FREM3: variants seen among roughly 807,000 people sequenced by gnomAD.
FREM3 encodes FRAS1-related extracellular matrix protein 3.
A neutral mutation model predicts 129.1 loss-of-function variants in FREM3; 105 were observed. The observed-to-expected ratio is 0.81, with a 90% CI of 0.69 to 0.96. The LOEUF is 0.96. Among genes scored for constraint, FREM3 ranks in the 40% least tolerant of loss-of-function variants. The probability of loss-of-function intolerance (pLI) is 0.00; values close to 1 mark genes in which losing one functional copy is unlikely to be tolerated. For missense variants in FREM3, 2,593 were observed against 2,666.3 expected (o/e 0.97, Z 0.61); for synonymous variants, 1,014 against 1,044.9 (o/e 0.97, Z 0.57).
At chr4:143,633,871 G>A (rs183180080) in intron 2 of FREM3, among the ~76,000 whole-genome samples, 6 of 152,226 alleles carry the variant, frequency 3.9e-5, no homozygotes, top group Admixed American at 3.3e-4. Flanking sequence ...AGAGGATATT[G>A]ACAGGCTTCA....
intron 2 of FREM3, among the ~76,000 whole-genome samples, chr4:143,664,237 T>C (rs1739805385): frequency 6.6e-6 from 1 of 152,152 alleles, no homozygotes; most frequent in African/African-American, 2.4e-5. Context: ...TGGTCATTGA[T>C]GATGGTGATG....
intron 2 of FREM3, among the ~76,000 whole-genome samples, chr4:143,691,476 T>C (rs572484754): frequency 5.5e-4 from 83 of 152,220 alleles, no homozygotes; most frequent in African/African-American, 2.0e-3. Context: ...GTAAGGACCA[T>C]TTTGGATTTC....
Position 143,611,409 on chromosome 4 carries a change from G to C in FREM3, c.5898C>G (p.Val1966=), listed in dbSNP as rs577569170. The part of the protein sequence containing the change: ...DKNETQKTCQ[V]LIIDDSLYEE... The stretch of plus-strand genomic sequence containing the variant: ...CATAAAGGGAGTCATCAATGATCAG[G>C]ACCTGGCAGGTCTTCTGTGTCTCAT... The change falls in exon 6 of 8, where the codon GTC becomes GTG. Residue 1966 remains valine (V), a synonymous_variant. Coordinates refer to ENST00000329798, the MANE Select transcript of FREM3 (RefSeq NM_001168235.2). The C allele has an allele frequency of 6.5e-7, 1 of 1,537,180 alleles. No homozygotes were observed. The highest frequency in any genetic ancestry group is 2.0e-5 in the Admixed American group (1 of 50,992).
chr4:143,688,405 C>A (rs1740405472), intron 2 of FREM3, among the ~76,000 whole-genome samples: 1 of 152,174 alleles, frequency 6.6e-6, no homozygotes, highest in Non-Finnish European at 1.5e-5. Context: ...ACATCCCATG[C>A]TCATGGATGG....
intron 5 of FREM3, among the ~76,000 whole-genome samples, chr4:143,612,305 G>C (rs1172413676): frequency 6.6e-6 from 1 of 152,056 alleles, no homozygotes; most frequent in East Asian, 1.9e-4. Flanking sequence ...AGATTTATTT[G>C]CCTTTATGAG....
chr4:143,628,119 T>G (rs1041509935), intron 2 of FREM3, among the ~76,000 whole-genome samples: 1 of 152,112 alleles, frequency 6.6e-6, no homozygotes, highest in African/African-American at 2.4e-5. Flanking sequence ...TCCCTCTGCC[T>G]CCTCCATTTT....
At chr4:143,668,044 T>C (rs980791139) in intron 2 of FREM3, among the ~76,000 whole-genome samples, 1 of 152,236 alleles carries the variant, frequency 6.6e-6, no homozygotes, top group African/African-American at 2.4e-5. Context: ...TAAAATAAAA[T>C]TGTTATCTTA....
chr4:143,697,475 A>G lies in FREM3; in HGVS notation c.3201T>C (p.Asn1067=). The G allele has an allele frequency of 6.5e-7, 1 of 1,537,214 alleles. No individual in the cohort carries two copies. Residue 1067 remains asparagine (N), a synonymous_variant, in exon 1 of 8, where the codon AAT becomes AAC. Coordinates refer to ENST00000329798, the MANE Select transcript of FREM3 (RefSeq NM_001168235.2). ...CCCCGACGAAGACCTTGGGTCCCAC[A>G]TTGTCCACAGGCAGCACAGTTACTT... The part of the protein sequence containing the change: ...QVQVTVLPVD[N]VGPKVFVGES...
intron 2 of FREM3, among the ~76,000 whole-genome samples, chr4:143,662,488 G>A (rs1230238897): frequency 2.1e-4 from 32 of 150,872 alleles, no homozygotes; most frequent in Non-Finnish European, 4.3e-4. Flanking sequence ...TACATTTGCT[G>A]AGGAGAGCTT....
intron 2 of FREM3, among the ~76,000 whole-genome samples, chr4:143,657,876 C>T (rs558853457): frequency 6.6e-6 from 1 of 152,240 alleles, no homozygotes; most frequent in Admixed American, 6.5e-5. Context: ...CACCATGTTG[C>T]CCAGTGCCCA....
At chr4:143,646,572 C>T (rs1384833272) in intron 2 of FREM3, among the ~76,000 whole-genome samples, 4 of 152,136 alleles carry the variant, frequency 2.6e-5, no homozygotes, top group Non-Finnish European at 5.9e-5. Flanking sequence ...GGGGCTTCCT[C>T]CTTCTCTCAG....
At position 143,697,916 on chromosome 4, in the gene FREM3, A is replaced by T; in HGVS notation, c.2760T>A (p.Ser920Arg). Residue 920 changes from serine (S) to arginine (R), a missense_variant, in exon 1 of 8, where the codon AGT (serine) becomes AGA (arginine). By Grantham distance (110) the Ser-to-Arg change is moderately radical. Coordinates refer to ENST00000329798, the MANE Select transcript of FREM3 (RefSeq NM_001168235.2). ...TGATGGGTATATGGTGCACCCCATC[A>T]CTTACTTCCAGATGGAAAGTGTCAC... ...TTSDTFHLEVSDGVHHIPITI... is the reference protein window; with the variant it reads ...TTSDTFHLEVRDGVHHIPITI... 2 of 1,537,892 alleles carry T rather than the reference A, an allele frequency of 1.3e-6. No individual in the cohort carries two copies. Among genetic ancestry groups the T allele is most frequent in the African/African-American group, 2.7e-5 (2 of 73,164 alleles).
In FREM3 at chr4:143,693,200, C is replaced by T. The variant is rs1254011782; in HGVS notation, c.5188G>A (p.Asp1730Asn). 1 of 1,478,794 alleles carries T rather than the reference C, an allele frequency of 6.8e-7. No homozygotes were observed. Among genetic ancestry groups the T allele is most frequent in the Non-Finnish European group, 9.0e-7 (1 of 1,112,758 alleles). The allele number at this position is 1,478,794 out of a possible 1,614,324, so 91.6% of individuals were successfully genotyped here. ...NQSTRVFTQADIDEMKISYVL... is the reference protein window; with the variant it reads ...NQSTRVFTQANIDEMKISYVL... ...TAGGATATCTTCATCTCATCAATGT[C>T]AGCTAAAAAAAAAGCAACCATCACA... Residue 1730 changes from aspartate (D) to asparagine (N), a missense_variant and splice_region_variant, in exon 2 of 8, where the codon GAC becomes AAC. Asp to Asn is a conservative substitution (Grantham distance 23). Transcript: ENST00000329798.
chr4:143,640,692 A>T (rs1050878729), intron 2 of FREM3, among the ~76,000 whole-genome samples: 2 of 152,156 alleles, frequency 1.3e-5, no homozygotes, highest in East Asian at 3.9e-4. Flanking sequence ...TTTTAGTAAT[A>T]TAATATAAAG....
chr4:143,616,792 CA>C (rs775898686), intron 5 of FREM3, among the ~76,000 whole-genome samples: 45 of 136,452 alleles, frequency 3.3e-4, no homozygotes, highest in Admixed American at 7.4e-4. Context: ...GACTCCGTCT[CA>C]AAAAAAAAAA....
chr4:143,696,759 G>C lies in FREM3; in HGVS notation c.3917C>G (p.Thr1306Ser), dbSNP rs1410156634. The change falls in exon 1 of 8, where the codon ACT (threonine) becomes AGT (serine). Residue 1306 changes from threonine (T) to serine (S), a missense_variant. This residue lies in a region of FREM3 where 2,276 missense variants were observed against 2,267.2 expected (regional missense o/e 1.00). Coordinates refer to ENST00000329798, the MANE Select transcript of FREM3 (RefSeq NM_001168235.2). Reference sequence around the variant, plus strand: ...CCCATTGTTGACAGTCAGGTGAGGAGTTTCATCATCCACTAGGGTCACTAC... The same window carrying C: ...CCCATTGTTGACAGTCAGGTGAGGACTTTCATCATCCACTAGGGTCACTAC... The part of the protein sequence containing the change: ...PIVVTLVDDE[T>S]PHLTVNNGLK... 6.5e-7 allele frequency: 1 copy of C among 1,537,750 alleles called. No individual in the cohort carries two copies. The highest frequency in any genetic ancestry group is 1.4e-5 in the African/African-American group (1 of 73,014).
At chr4:143,671,861 G>A (rs556986669) in intron 2 of FREM3, among the ~76,000 whole-genome samples, 30 of 152,294 alleles carry the variant, frequency 2.0e-4, no homozygotes, top group African/African-American at 7.2e-4. Flanking sequence ...TACATCACAC[G>A]AAATAAACGT....
rs146703088 is a variant in FREM3, at chr4:143,611,120, T to C, written c.6028+159A>G. On this transcript the variant is annotated intron_variant, in intron 6 of 7. Coordinates refer to ENST00000329798, the MANE Select transcript of FREM3 (RefSeq NM_001168235.2). ...GCTGTTTTGTCATTGGTGTTGGTGA[T>C]GTCTATGCATTTGAAGAGCTACTCA... Among the ~76,000 whole-genome samples the C allele has an allele frequency of 1.5e-3, 233 of 152,330 alleles. 2 individuals are homozygous for C. The highest frequency in any genetic ancestry group is 5.2e-3 in the African/African-American group (216 of 41,578).
At chr4:143,597,927 G>A (rs1016965173) in intron 6 of FREM3, among the ~76,000 whole-genome samples, 1 of 152,180 alleles carries the variant, frequency 6.6e-6, no homozygotes, top group African/African-American at 2.4e-5. Flanking sequence ...TCAAAGCATC[G>A]GCAGATGCAG....
Sources: allele counts gnomAD v4.1 joint callset (sites outside exome capture counted in the v4.1 genomes callset), GRCh38; gene constraint gnomAD v4.1.1; regional missense constraint gnomAD v4.1.1; transcripts MANE v1.5; gene names NCBI Gene and HGNC (gene_info 2026-07-23, HGNC 2026-07-21).